The following RASGEF1B variants were observed in gnomAD, a reference collection of about 807,000 sequenced individuals.
RASGEF1B encodes RasGEF domain family member 1B, also known as ras-GEF domain-containing family member 1B.
A neutral mutation model predicts 65.7 loss-of-function variants in RASGEF1B; 30 were observed. The observed-to-expected ratio is 0.46, with a 90% CI of 0.34 to 0.62. The LOEUF is 0.62. RASGEF1B is among the 20% of genes least tolerant of loss of function. RASGEF1B has a pLI of 0.01. For missense variants in RASGEF1B, 495 were observed against 580.1 expected, an observed-to-expected ratio of 0.85 and a Z score of 1.51; for synonymous variants, 175 against 194.8, an observed-to-expected ratio of 0.90 and a Z score of 0.85.
At chr4:81,457,678 C>G (rs918714891) in intron 2 of RASGEF1B, 57 bp from the exon 3 acceptor site, 4 of 1,586,500 alleles carry the variant, frequency 2.5e-6, no homozygotes, top group Non-Finnish European at 3.4e-6. Flanking sequence ...TAATATCTTG[C>G]CTTTATACTA....
chr4:81,446,347 T>C (rs1484406447), intron 6 of RASGEF1B, among the ~76,000 whole-genome samples: 2 of 152,144 alleles, frequency 1.3e-5, no homozygotes, highest in Non-Finnish European at 2.9e-5. Context: ...CACTCTAGCG[T>C]GGGTGGCAGA....
chr4:81,440,096 C>T (rs1212083309), intron 10 of RASGEF1B, among the ~76,000 whole-genome samples: 2 of 152,008 alleles, frequency 1.3e-5, no homozygotes, highest in African/African-American at 4.8e-5. Context: ...GAATCTAAAC[C>T]GAAAATAACC....
chr4:81,433,228 TAAA>T (rs368117891), intron 12 of RASGEF1B, among the ~76,000 whole-genome samples: 4 of 133,876 alleles, frequency 3.0e-5, no homozygotes, highest in Admixed American at 1.5e-4. Flanking sequence ...GTTGCTGTCT[TAAA>T]AAAAAAAAAA....
chr4:81,446,961 A>G (rs1368490280), intron 6 of RASGEF1B, among the ~76,000 whole-genome samples: 1 of 152,120 alleles, frequency 6.6e-6, no homozygotes, highest in African/African-American at 2.4e-5. Flanking sequence ...GGAGATAAAA[A>G]ATTTTCTTAT....
intron 1 of RASGEF1B, among the ~76,000 whole-genome samples, chr4:81,464,645 A>AGGGAG (rs1722746929): frequency 6.6e-6 from 1 of 152,138 alleles, no homozygotes; most frequent in Admixed American, 6.5e-5. Context: ...ATATACTTTC[A>AGGGAG]GGGAGTTTAC....
chr4:81,435,527 A>G (rs199681778), intron 10 of RASGEF1B, among the ~76,000 whole-genome samples: 10 of 106,436 alleles, frequency 9.4e-5, no homozygotes, highest in East Asian at 3.3e-4. Flanking sequence ...GGAGTGCAGT[A>G]GTGCGATCTC....
intron 1 of RASGEF1B, among the ~76,000 whole-genome samples, chr4:81,462,796 G>A (rs914797719): frequency 1.1e-4 from 16 of 152,074 alleles, no homozygotes; most frequent in Admixed American, 1.0e-3. Context: ...TATGACATCC[G>A]TGATGCAGAG....
intron 1 of RASGEF1B, among the ~76,000 whole-genome samples, chr4:81,466,561 C>T (rs138896826): frequency 1.4e-4 from 21 of 151,882 alleles, no homozygotes; most frequent in Admixed American, 2.0e-4. Context: ...AGATCGAGAC[C>T]ATCCTGGCTA....
intron 6 of RASGEF1B, among the ~76,000 whole-genome samples, chr4:81,446,060 A>G (rs1722011662): frequency 6.6e-6 from 1 of 152,168 alleles, no homozygotes; most frequent in Admixed American, 6.5e-5. Context: ...AGGCCTAGAA[A>G]TGTACTCTGA....
At chr4:81,435,226 A>G (rs1485890059) in intron 10 of RASGEF1B, among the ~76,000 whole-genome samples, 9 of 151,716 alleles carry the variant, frequency 5.9e-5, no homozygotes, top group Non-Finnish European at 1.2e-4. Context: ...CCTGGCTAAC[A>G]AGGTGAAACC....
At chr4:81,464,716 C>T (rs1284983154) in intron 1 of RASGEF1B, among the ~76,000 whole-genome samples, 9 of 152,132 alleles carry the variant, frequency 5.9e-5, no homozygotes, top group Admixed American at 2.0e-4. Context: ...TATTTCTCTA[C>T]GCCAAGGAAG....
chr4:81,441,164 C>G (rs1168157030), intron 9 of RASGEF1B, among the ~76,000 whole-genome samples: 1 of 152,070 alleles, frequency 6.6e-6, no homozygotes, highest in South Asian at 2.1e-4. Flanking sequence ...AAACCTAAAC[C>G]GCATTCTTTC....
chr4:81,432,859 C>A (rs1014500551), intron 12 of RASGEF1B, among the ~76,000 whole-genome samples: 1 of 151,550 alleles, frequency 6.6e-6, no homozygotes, highest in Non-Finnish European at 1.5e-5. Context: ...TTTAAAAATT[C>A]AAAAGTTTGT....
At chr4:81,448,608 T>C (rs1026925599) in intron 4 of RASGEF1B, among the ~76,000 whole-genome samples, 1 of 152,182 alleles carries the variant, frequency 6.6e-6, no homozygotes, top group South Asian at 2.1e-4. Flanking sequence ...GAATGTCCTC[T>C]GTTCCAGCAA....
In RASGEF1B at chr4:81,456,852, G is replaced by C; in HGVS notation, c.301-64C>G. On this transcript the variant is annotated intron_variant, in intron 3 of 13. Transcript: ENST00000264400. ...CACTATGGACTACATCAAATCAATAGTTACAAAGAGCGTCACTGAGAAACT... is the reference window on the plus strand; with the variant it reads ...CACTATGGACTACATCAAATCAATACTTACAAAGAGCGTCACTGAGAAACT... 6.5e-6 allele frequency: 9 copies of C among 1,381,514 alleles called. No individual in the cohort carries two copies. In the South Asian group the frequency reaches 1.2e-4, roughly 19 times the overall value. 85.6% of individuals were successfully genotyped at this position (1,381,514 alleles called of 1,614,324 possible).
intron 12 of RASGEF1B, among the ~76,000 whole-genome samples, chr4:81,432,729 T>C (rs1477035892): frequency 1.3e-5 from 2 of 152,170 alleles, no homozygotes; most frequent in Admixed American, 1.3e-4. Context: ...TGAGTTGTTT[T>C]TTCCTTTTTT....
chr4:81,469,454 C>A (rs572981694), intron 1 of RASGEF1B, among the ~76,000 whole-genome samples: 2 of 152,080 alleles, frequency 1.3e-5, no homozygotes, highest in Non-Finnish European at 2.9e-5. Context: ...CAGCTCCTCC[C>A]CTTCAATTTT....
chr4:81,430,049 C>T (rs983032010), intron 13 of RASGEF1B, among the ~76,000 whole-genome samples: 1 of 152,224 alleles, frequency 6.6e-6, no homozygotes, highest in Non-Finnish European at 1.5e-5. Context: ...CGCCTGTAAT[C>T]CCAGCACTTT....
chr4:81,435,239 G>A (rs1016360464), intron 10 of RASGEF1B, among the ~76,000 whole-genome samples: 2 of 151,086 alleles, frequency 1.3e-5, no homozygotes, highest in African/African-American at 2.4e-5. Flanking sequence ...GTGAAACCCC[G>A]TCTCTACTAA....
Sources: allele counts gnomAD v4.1 joint callset (sites outside exome capture counted in the v4.1 genomes callset), GRCh38; gene constraint gnomAD v4.1.1; transcripts MANE v1.5; gene names NCBI Gene and HGNC (gene_info 2026-07-23, HGNC 2026-07-21).